Variants in ZNF609 observed in about 807,000 individuals in gnomAD.
ZNF609 encodes zinc finger protein 609.
ZNF609 carries 11 observed loss-of-function variants against 109.5 expected under a neutral mutation model. That is an observed-to-expected ratio of 0.10 (90% CI 0.06 to 0.17). The LOEUF (loss-of-function observed/expected upper bound fraction) is 0.17. Ranked by LOEUF, ZNF609 falls within the 10% of genes least tolerant of loss-of-function variation. ZNF609 has a pLI of 1.00. For synonymous variants in ZNF609, 646 were observed against 662.0 expected (o/e 0.98, Z 0.37); for missense variants, 1,559 against 1,772.4 (o/e 0.88, Z 2.16).
At chr15:64,659,438 G>A (rs1896542502) in intron 3 of ZNF609, among the ~76,000 whole-genome samples, 1 of 152,178 alleles carries the variant, frequency 6.6e-6, no homozygotes, top group South Asian at 2.1e-4. Context: ...TTTACTCCCT[G>A]ATTTCCTAGC....
intron 2 of ZNF609, among the ~76,000 whole-genome samples, chr15:64,534,442 G>A (rs1477626090): frequency 6.6e-6 from 1 of 152,064 alleles, no homozygotes; most frequent in African/African-American, 2.4e-5. Flanking sequence ...AGCCTCCCAA[G>A]TAGCTGGGAT....
Position 64,601,546 on chromosome 15 carries a change from G to A in ZNF609, c.748-21281G>A, listed in dbSNP as rs560672337. Among the ~76,000 whole-genome samples, 3 of 152,326 alleles carry A rather than the reference G, an allele frequency of 2.0e-5. No homozygotes were observed. The East Asian group carries it at 5.8e-4, about 29-fold the overall frequency. ...ATTGTCCTTTTTACAAAAGATGAAT[G>A]TGCTTAAGCAGAGGACTACTAAATA... On this transcript the variant is annotated intron_variant, in intron 2 of 9. Transcript: ENST00000326648.
intron 2 of ZNF609, among the ~76,000 whole-genome samples, chr15:64,522,983 AAAAGG>A (rs920705589): frequency 6.6e-6 from 1 of 152,134 alleles, no homozygotes; most frequent in African/African-American, 2.4e-5. Context: ...AAAAAAAAAA[AAAAGG>A]AAATTTTGGT....
chr15:64,564,948 C>T lies in ZNF609; in HGVS notation c.748-57879C>T, dbSNP rs561906278. Among the ~76,000 whole-genome samples, 139 of 151,560 alleles carry T rather than the reference C, an allele frequency of 9.2e-4. 1 individual carries two copies. Among genetic ancestry groups the T allele is most frequent in the Admixed American group, 2.9e-3 (44 of 15,188 alleles). ...CTGCAAGCTCCACCTCCCAGGTTCA[C>T]GCCATTCTCCTGTCTCAGCCTCCCT... On this transcript the variant is annotated intron_variant, in intron 2 of 9. Coordinates refer to ENST00000326648, the MANE Select transcript of ZNF609 (RefSeq NM_015042.2).
intron 1 of ZNF609, among the ~76,000 whole-genome samples, chr15:64,475,297 C>T (rs1020807406): frequency 1.6e-4 from 24 of 151,498 alleles, no homozygotes; most frequent in Admixed American, 8.6e-4. Flanking sequence ...TATCCCACTT[C>T]TTCCTATCCA....
chr15:64,668,591 A>G (rs1896682544), intron 3 of ZNF609, among the ~76,000 whole-genome samples: 1 of 152,128 alleles, frequency 6.6e-6, no homozygotes, highest in South Asian at 2.1e-4. Flanking sequence ...AATGGTCTTG[A>G]CAAGAGGATA....
intron 1 of ZNF609, among the ~76,000 whole-genome samples, chr15:64,478,094 A>G (rs1165321008): frequency 6.6e-6 from 1 of 152,048 alleles, no homozygotes; most frequent in East Asian, 1.9e-4. Flanking sequence ...TCAGTACACA[A>G]GAAGACCTAT....
chr15:64,591,347 G>A (rs946252866), intron 2 of ZNF609, among the ~76,000 whole-genome samples: 10 of 152,134 alleles, frequency 6.6e-5, no homozygotes, highest in African/African-American at 2.4e-4. Flanking sequence ...AGAATCGCTT[G>A]AACCCAGGAG....
At chr15:64,466,574 A>C (rs1893018274) in intron 1 of ZNF609, among the ~76,000 whole-genome samples, 1 of 152,248 alleles carries the variant, frequency 6.6e-6, no homozygotes, top group Non-Finnish European at 1.5e-5. Flanking sequence ...CCTATGGAGC[A>C]CTGCATAGAT....
In ZNF609 at chr15:64,675,859, G is replaced by A. The variant is rs202246854; in HGVS notation, c.3005G>A (p.Arg1002Gln). The A allele has an allele frequency of 6.2e-6, 10 of 1,614,072 alleles. No individual in the cohort carries two copies. The highest frequency in any genetic ancestry group is 5.3e-5 in the African/African-American group (4 of 74,912). The stretch of plus-strand genomic sequence containing the variant: ...CTTCTGAGCACTAACACGGCTTACC[G>A]GCAGCAGTACGAAGAACAGCAGAAA... Reference protein sequence around the residue: ...THLLSTNTAYRQQYEEQQKRQ... With the variant: ...THLLSTNTAYQQQYEEQQKRQ... Residue 1002 changes from arginine (R) to glutamine (Q), a missense_variant, in exon 5 of 10, where the codon CGG (arginine) becomes CAG (glutamine). By Grantham distance (43) the Arg-to-Gln change is conservative. Coordinates refer to ENST00000326648, the MANE Select transcript of ZNF609 (RefSeq NM_015042.2).
At chr15:64,604,505 C>T (rs1895561879) in intron 2 of ZNF609, among the ~76,000 whole-genome samples, 1 of 152,180 alleles carries the variant, frequency 6.6e-6, no homozygotes, top group Non-Finnish European at 1.5e-5. Flanking sequence ...AGATGTTTGT[C>T]AGCTAGGATA....
At chr15:64,552,261 A>T (rs956868663) in intron 2 of ZNF609, among the ~76,000 whole-genome samples, 1 of 152,162 alleles carries the variant, frequency 6.6e-6, no homozygotes, top group South Asian at 2.1e-4. Flanking sequence ...AAGGTATTCT[A>T]TTTTATTCCT....
At chr15:64,529,495 G>A in intron 2 of ZNF609, 1 of 1,109,488 alleles carries the variant, frequency 9.0e-7, no homozygotes, top group Non-Finnish European at 1.4e-6. Context: ...AGCCTTGACG[G>A]TGCCATGGAA....
intron 6 of ZNF609, among the ~76,000 whole-genome samples, chr15:64,679,951 A>T (rs1224704337): frequency 1.3e-5 from 2 of 152,198 alleles, no homozygotes; most frequent in African/African-American, 4.8e-5. Flanking sequence ...ACAGTATCAG[A>T]TCTATGGAAG....
chr15:64,559,415 G>T (rs1046562889), intron 2 of ZNF609, among the ~76,000 whole-genome samples: 4 of 152,208 alleles, frequency 2.6e-5, no homozygotes, highest in Admixed American at 1.3e-4. Flanking sequence ...AAGATTGGCT[G>T]AGCCCCTGGG....
rs150918917 is a variant in ZNF609 at position 64,654,672 on chromosome 15, A to G, written c.974-15674A>G. 2.4e-3 allele frequency among the ~76,000 whole-genome samples: 368 copies of G among 152,314 alleles called. 3 individuals carry two copies. Among genetic ancestry groups the G allele is most frequent in the African/African-American group, 8.3e-3 (346 of 41,580 alleles). ...GATTGAGATCATGTCTTCTATTTCT[A>G]TAATATGTATCTCCATAGCCCCTTA... On this transcript the variant is annotated intron_variant, in intron 3 of 9. Coordinates refer to ENST00000326648, the MANE Select transcript of ZNF609 (RefSeq NM_015042.2).
chr15:64,681,012 C>T, intron 8 of ZNF609, 150 bp downstream of exon 8: 3 of 840,880 alleles, frequency 3.6e-6, no homozygotes, highest in African/African-American at 1.7e-5. Flanking sequence ...AATCTGTGCA[C>T]AGTCCTAACC....
chr15:64,528,952 G>T, intron 2 of ZNF609: 1 of 1,376,666 alleles, frequency 7.3e-7, no homozygotes, highest in Non-Finnish European at 1.0e-6. Context: ...GTCCGCCACT[G>T]ACACATTGGC....
At chr15:64,529,376 G>A in intron 2 of ZNF609, 1 of 738,556 alleles carries the variant, frequency 1.4e-6, no homozygotes, top group Non-Finnish European at 2.5e-6. Flanking sequence ...AGACACCAGT[G>A]AACTCTACGA....
Sources: allele counts gnomAD v4.1 joint callset (sites outside exome capture counted in the v4.1 genomes callset), GRCh38; gene constraint gnomAD v4.1.1; transcripts MANE v1.5; gene names NCBI Gene and HGNC (gene_info 2026-07-23, HGNC 2026-07-21).